The following KBTBD11 variants were observed in gnomAD, a reference collection of about 807,000 sequenced individuals.
The protein encoded by KBTBD11 is kelch repeat and BTB domain-containing protein 11.
For synonymous variants in KBTBD11, 747 were observed against 499.0 expected, an observed-to-expected ratio of 1.50 and a Z score of -6.63; for missense variants, 1,390 against 1,001.8, an observed-to-expected ratio of 1.39 and a Z score of -5.23.
chr8:1,975,925 G>C (rs1033567430), intron 1 of KBTBD11: 1 of 152,248 alleles, frequency 6.6e-6, no homozygotes, highest in Non-Finnish European at 1.5e-5. Flanking sequence ...TGGGAGCCCA[G>C]CAGGTCCCGT....
intron 1 of KBTBD11, among the ~76,000 whole-genome samples, chr8:1,986,546 C>T (rs765566477): frequency 2.6e-5 from 4 of 152,142 alleles, no homozygotes; most frequent in African/African-American, 7.2e-5. Context: ...GGACAAAACA[C>T]GAGTTTTTAT....
rs191655412 is a variant in KBTBD11, at chr8:1,997,026, C to T, written c.-908-3259C>T. Among the ~76,000 whole-genome samples, 394 of 152,294 alleles carry T rather than the reference C, an allele frequency of 2.6e-3. 2 individuals carry two copies. Among genetic ancestry groups the T allele is most frequent in the African/African-American group, 9.1e-3 (380 of 41,552 alleles). On this transcript the variant is annotated intron_variant, in intron 1 of 1. Coordinates refer to ENST00000320248, the MANE Select transcript of KBTBD11 (RefSeq NM_014867.3). ...CTCCCCCGCGCGCCCCCCGTGCCTT[C>T]CATGGAAACTGCAGTGCTGACTTTC...
intron 1 of KBTBD11, among the ~76,000 whole-genome samples, chr8:1,976,724 A>C (rs1227661726): frequency 6.6e-6 from 1 of 152,206 alleles, no homozygotes; most frequent in Non-Finnish European, 1.5e-5. Context: ...TAACACACGG[A>C]GATGAGTGCG....
intron 1 of KBTBD11, among the ~76,000 whole-genome samples, chr8:1,980,902 C>G (rs1009203514): frequency 6.6e-6 from 1 of 152,224 alleles, no homozygotes; most frequent in African/African-American, 2.4e-5. Context: ...GGCTGAGTTT[C>G]CCGCAGTTTC....
chr8:1,993,922 T>TACACACACACACACACAC (rs57317862), intron 1 of KBTBD11, among the ~76,000 whole-genome samples: 2,520 of 139,718 alleles, frequency 0.018, 29 homozygotes, highest in Middle Eastern at 0.032. Context: ...CAATACCCCC[T>TACACACACACACACACAC]ACACACACAC....
At chr8:1,980,307 A>G (rs1816497722) in intron 1 of KBTBD11, among the ~76,000 whole-genome samples, 1 of 145,474 alleles carries the variant, frequency 6.9e-6, no homozygotes, top group African/African-American at 2.5e-5. Context: ...GCTCACTGCA[A>G]GCTCCGCCTC....
chr8:1,983,818 A>G (rs1373881754), intron 1 of KBTBD11, among the ~76,000 whole-genome samples: 1 of 152,266 alleles, frequency 6.6e-6, no homozygotes, highest in African/African-American at 2.4e-5. Flanking sequence ...ATTGAAGTCT[A>G]ACATACAAAC....
chr8:1,981,684 C>T (rs1034468454), intron 1 of KBTBD11, among the ~76,000 whole-genome samples: 1 of 152,148 alleles, frequency 6.6e-6, no homozygotes, highest in Non-Finnish European at 1.5e-5. Flanking sequence ...AGGGCAAATT[C>T]TTTCTCTGCC....
chr8:1,991,777 C>T (rs970870210), intron 1 of KBTBD11, among the ~76,000 whole-genome samples: 3 of 151,754 alleles, frequency 2.0e-5, no homozygotes, highest in Admixed American at 6.6e-5. Context: ...TGGGCCTTCT[C>T]GTTTTAGGAC....
rs988919741 is a variant in KBTBD11, at chr8:1,973,732, T to C, written c.-1112T>C. The C allele has an allele frequency of 6.1e-5, 60 of 983,514 alleles. No homozygotes were observed. The highest frequency in any genetic ancestry group is 1.0e-3 in the Middle Eastern group (2 of 1,932). The allele number at this position is 983,514 out of a possible 1,614,324, so 60.9% of individuals were successfully genotyped here. ...GCCGGAGCGCTGGCTCCGCGCGGCC[T>C]GGAGAGGCGGAGAGGCCTGTCCACC... On this transcript the variant is annotated 5_prime_UTR_variant, in exon 1 of 2. Coordinates refer to ENST00000320248, the MANE Select transcript of KBTBD11 (RefSeq NM_014867.3).
intron 1 of KBTBD11, among the ~76,000 whole-genome samples, chr8:1,996,221 G>C (rs1233891373): frequency 6.6e-6 from 1 of 152,230 alleles, no homozygotes; most frequent in South Asian, 2.1e-4. Flanking sequence ...GGACGCTGTG[G>C]TCTAACAGGG....
At chr8:1,987,284 A>C (rs1455056469) in intron 1 of KBTBD11, among the ~76,000 whole-genome samples, 1 of 152,230 alleles carries the variant, frequency 6.6e-6, no homozygotes, top group Non-Finnish European at 1.5e-5. Flanking sequence ...CCGAAATTCA[A>C]AATTTTGTTT....
intron 1 of KBTBD11, among the ~76,000 whole-genome samples, chr8:1,981,992 A>G (rs1190937767): frequency 6.6e-6 from 1 of 152,098 alleles, no homozygotes; most frequent in Admixed American, 6.6e-5. Context: ...CCTCTCATCT[A>G]CCGGTCTATC....
At position 2,003,181 on chromosome 8, in the gene KBTBD11, G is replaced by C. The variant is rs1817464650; in HGVS notation, c.*117G>C. 8.0e-7 allele frequency: 1 copy of C among 1,243,076 alleles called. No individual in the cohort carries two copies. Among genetic ancestry groups the C allele is most frequent in the Non-Finnish European group, 1.0e-6 (1 of 985,348 alleles). The allele number at this position is 1,243,076 out of a possible 1,614,324, so 77.0% of individuals were successfully genotyped here. The stretch of plus-strand genomic sequence containing the variant: ...GGCCGCTGGCCACGCTGGTGGTTTG[G>C]ACACTTCGAAGGAGCCCCGAGGACG... On this transcript the variant is annotated 3_prime_UTR_variant, in exon 2 of 2. Transcript: ENST00000320248.
intron 1 of KBTBD11, among the ~76,000 whole-genome samples, chr8:1,980,367 C>T (rs1490276700): frequency 1.3e-5 from 2 of 151,800 alleles, no homozygotes; most frequent in East Asian, 1.9e-4. Flanking sequence ...GCTGGGATTA[C>T]AAGCATGCAT....
rs906931292 is a variant in KBTBD11, at chr8:2,005,985, C to T, written c.*2921C>T. 6.0e-6 allele frequency: 1 copy of T among 167,092 alleles called. No individual in the cohort carries two copies. The highest frequency in any genetic ancestry group is 2.4e-5 in the African/African-American group (1 of 41,438). 10.4% of individuals were successfully genotyped at this position (167,092 alleles called of 1,614,324 possible). A position where few individuals can be genotyped will look rare whatever the true frequency, so the allele number is the denominator to read the frequency against. ...ATTCTTCCTCTTGGGAACATCCCTC[C>T]ACTCCGCACTGCTTCCTGCAGCTTT... is the stretch of plus-strand genomic sequence containing the variant. On this transcript the variant is annotated 3_prime_UTR_variant, in exon 2 of 2. Transcript: ENST00000320248.
intron 1 of KBTBD11, among the ~76,000 whole-genome samples, chr8:1,981,204 A>C (rs1315025372): frequency 6.6e-6 from 1 of 152,174 alleles, no homozygotes; most frequent in Non-Finnish European, 1.5e-5. Context: ...TGTCATTTAG[A>C]AATGAAGGGG....
chr8:1,995,214 T>G (rs1195514884), intron 1 of KBTBD11, among the ~76,000 whole-genome samples: 1 of 152,144 alleles, frequency 6.6e-6, no homozygotes, highest in Non-Finnish European at 1.5e-5. Context: ...TCCCCATTTC[T>G]AAACTACACA....
chr8:2,005,726 A>G lies in KBTBD11; in HGVS notation c.*2662A>G, dbSNP rs559845627. On this transcript the variant is annotated 3_prime_UTR_variant, in exon 2 of 2. Coordinates refer to ENST00000320248, the MANE Select transcript of KBTBD11 (RefSeq NM_014867.3). Reference sequence around the variant, plus strand: ...TTGATGACAGCTGTCCACACTCCTCATGAAATTAACCCGTATGCCGGGGCA... The same window carrying G: ...TTGATGACAGCTGTCCACACTCCTCGTGAAATTAACCCGTATGCCGGGGCA... 6.0e-5 allele frequency: 10 copies of G among 167,216 alleles called. No homozygotes were observed. The highest frequency in any genetic ancestry group is 1.0e-4 in the Non-Finnish European group (7 of 68,114). 10.4% of individuals were successfully genotyped at this position (167,216 alleles called of 1,614,324 possible). A position where few individuals can be genotyped will look rare whatever the true frequency, so the allele number is the denominator to read the frequency against.
Sources: gnomAD v4.1 joint callset for allele counts (sites outside exome capture counted in the v4.1 genomes callset) on GRCh38, gnomAD v4.1.1 for gene constraint, MANE v1.5 for transcripts, NCBI Gene and HGNC (gene_info 2026-07-23, HGNC 2026-07-21) for gene names.